AGBL2: variants seen among roughly 807,000 people sequenced by gnomAD.
The protein encoded by AGBL2 is cytosolic carboxypeptidase 2.
A neutral mutation model predicts 103.0 loss-of-function variants in AGBL2; 87 were observed. The observed-to-expected ratio is 0.84, with a 90% CI of 0.71 to 1.01. AGBL2 has a LOEUF of 1.01. Ranked by LOEUF, AGBL2 falls within the 50% of genes least tolerant of loss-of-function variation. The pLI, the probability that AGBL2 is intolerant of heterozygous loss-of-function variation, is 0.00. For synonymous variants in AGBL2, 335 were observed against 356.7 expected, an observed-to-expected ratio of 0.94 and a Z score of 0.69; for missense variants, 904 against 1,023.5, an observed-to-expected ratio of 0.88 and a Z score of 1.59.
chr11:47,668,753 G>T, intron 15 of AGBL2, 88 bp downstream of exon 15: 1 of 996,136 alleles, frequency 1.0e-6, no homozygotes, highest in Non-Finnish European at 1.6e-6. Flanking sequence ...CAGGTCTTAG[G>T]ACTGTTGGAA....
chr11:47,684,986 C>T (rs2097418274), intron 11 of AGBL2, among the ~76,000 whole-genome samples: 1 of 152,148 alleles, frequency 6.6e-6, no homozygotes, highest in African/African-American at 2.4e-5. Flanking sequence ...GCAGGCGGAT[C>T]ACTTGAGGTC....
At chr11:47,662,888 T>C in intron 18 of AGBL2, 138 bp downstream of exon 18, 1 of 730,908 alleles carries the variant, frequency 1.4e-6, no homozygotes, top group Admixed American at 2.7e-5. Context: ...ATGCCTTAGA[T>C]GTTCACCTGC....
chr11:47,690,402 G>A lies in AGBL2; in HGVS notation c.1305C>T (p.Tyr435=). ...LCRSLAGNTV[Y]LLTITNPSQT... ...GGGATGGGTTGGTGATGGTGAGCAA[G>A]TAAACGGTATTTCCTGCTAGGCTCC... is the stretch of plus-strand genomic sequence containing the variant. Residue 435 remains tyrosine, a synonymous_variant, in exon 10 of 19, where the codon TAC becomes TAT. Coordinates refer to ENST00000525123, the MANE Select transcript of AGBL2 (RefSeq NM_024783.4). 2 of 1,614,170 alleles carry A rather than the reference G, an allele frequency of 1.2e-6. No homozygotes were observed. The highest frequency in any genetic ancestry group is 1.7e-6 in the Non-Finnish European group (2 of 1,180,036).
chr11:47,671,566 T>A (rs1033944055), intron 14 of AGBL2, among the ~76,000 whole-genome samples: 5 of 151,800 alleles, frequency 3.3e-5, no homozygotes, highest in African/African-American at 1.2e-4. Context: ...AAAACACTTA[T>A]TGGCACAGAG....
intron 9 of AGBL2, among the ~76,000 whole-genome samples, chr11:47,691,730 ATATAT>A (rs1273187891): frequency 2.3e-4 from 2 of 8,532 alleles, no homozygotes; most frequent in Admixed American, 3.5e-3. Flanking sequence ...AAAAAAAAAA[ATATAT>A]ATATATATAT....
intron 9 of AGBL2, among the ~76,000 whole-genome samples, chr11:47,691,729 A>AAAAAAAAAAATATATATAT: frequency 6.2e-4 from 3 of 4,856 alleles, no homozygotes; most frequent in African/African-American, 2.2e-3. Flanking sequence ...AAAAAAAAAA[A>AAAAAAAAAAATATATATAT]ATATATATAT....
At chr11:47,666,634 T>C (rs2097342099) in intron 17 of AGBL2, 1 of 544,268 alleles carries the variant, frequency 1.8e-6, no homozygotes, top group African/African-American at 2.0e-5. Context: ...CCCAATAAAA[T>C]TCATTGATTT....
chr11:47,710,303 A>C, intron 4 of AGBL2, 74 bp downstream of exon 4: 1 of 1,587,350 alleles, frequency 6.3e-7, no homozygotes, highest in Non-Finnish European at 8.6e-7. Flanking sequence ...ATGTTAGAGC[A>C]GATTCTTCTG....
chr11:47,680,421 A>C (rs1216070450), intron 12 of AGBL2, among the ~76,000 whole-genome samples: 1 of 151,732 alleles, frequency 6.6e-6, no homozygotes, highest in East Asian at 1.9e-4. Context: ...AGATCGTGCC[A>C]CTGCACTCCA....
At chr11:47,677,172 T>C (rs908943072) in intron 14 of AGBL2, 99 bp downstream of exon 14, 1 of 1,049,084 alleles carries the variant, frequency 9.5e-7, no homozygotes, top group African/African-American at 1.7e-5. Context: ...CAAGCCCAGC[T>C]AATTTTTGTA....
In AGBL2 at chr11:47,680,795, C is replaced by G. The variant is rs551265937; in HGVS notation, c.1916-722G>C. On this transcript the variant is annotated intron_variant, in intron 12 of 18. Coordinates refer to ENST00000525123, the MANE Select transcript of AGBL2 (RefSeq NM_024783.4). The stretch of plus-strand genomic sequence containing the variant: ...AACAGAGGGAGACCCTGAAACAAAA[C>G]AAAACAAAACAAAACAAAACAAAAC... 2.2e-4 allele frequency among the ~76,000 whole-genome samples: 33 copies of G among 151,720 alleles called. No individual in the cohort carries two copies. The South Asian group carries it at 6.9e-3, about 32-fold the overall frequency.
intron 7 of AGBL2, among the ~76,000 whole-genome samples, chr11:47,703,272 G>A: frequency 6.6e-6 from 1 of 151,924 alleles, no homozygotes; most frequent in East Asian, 1.9e-4. Context: ...TTTTAGATAA[G>A]ATGCTATGCC....
At chr11:47,675,112 T>G (rs1461055233) in intron 14 of AGBL2, among the ~76,000 whole-genome samples, 1 of 151,312 alleles carries the variant, frequency 6.6e-6, no homozygotes, top group Non-Finnish European at 1.5e-5. Context: ...TGCTGGCTCC[T>G]CCCCTATTAA....
rs2097441428 is a variant in AGBL2 at position 47,690,626 on chromosome 11, T to C, written c.1081A>G (p.Lys361Glu). The part of the protein sequence containing the change: ...IGWRREGNEI[K>E]YYKNNTDDGQ... Reference sequence around the variant, plus strand: ...TCATCCGTGTTGTTCTTGTAGTACTTGATTTCATTTCCTTCTCTCCTCCAG... The same window carrying C: ...TCATCCGTGTTGTTCTTGTAGTACTCGATTTCATTTCCTTCTCTCCTCCAG... Residue 361 changes from lysine (K) to glutamate (E), a missense_variant, in exon 10 of 19, where the codon AAG becomes GAG. Transcript: ENST00000525123. 6 of 1,614,170 alleles carry C rather than the reference T, an allele frequency of 3.7e-6. No homozygotes were observed. The highest frequency in any genetic ancestry group is 5.1e-6 in the Non-Finnish European group (6 of 1,180,036).
intron 18 of AGBL2, among the ~76,000 whole-genome samples, chr11:47,661,246 T>A (rs2153802374): frequency 6.6e-6 from 1 of 152,272 alleles, no homozygotes; most frequent in Admixed American, 6.5e-5. Flanking sequence ...TTTAACTGAA[T>A]TCATGGTTAT....
intron 17 of AGBL2, among the ~76,000 whole-genome samples, chr11:47,666,333 G>T (rs7113438): frequency 0.036 from 5,446 of 150,842 alleles, 103 homozygotes; most frequent in Middle Eastern, 0.062. Flanking sequence ...GGTGGAAGTT[G>T]CAGTGAGCTG....
chr11:47,696,037 G>GAAAAAAAAAAAAAGA (rs71045503), intron 8 of AGBL2, among the ~76,000 whole-genome samples: 4 of 88,904 alleles, frequency 4.5e-5, no homozygotes, highest in Admixed American at 1.6e-4. Context: ...AAAAAAAAAA[G>GAAAAAAAAAAAAAGA]AAAAAAAAAA....
At chr11:47,661,725 A>G (rs974342358) in intron 18 of AGBL2, among the ~76,000 whole-genome samples, 3 of 151,794 alleles carry the variant, frequency 2.0e-5, no homozygotes, top group Non-Finnish European at 2.9e-5. Flanking sequence ...TCCCTGGGCT[A>G]TTAGAAACAA....
chr11:47,699,165 C>T (rs780036225), intron 8 of AGBL2, among the ~76,000 whole-genome samples: 1 of 151,890 alleles, frequency 6.6e-6, no homozygotes, highest in Non-Finnish European at 1.5e-5. Context: ...AGAAATCTCC[C>T]CAAAGATGAT....
Sources: allele counts gnomAD v4.1 joint callset (sites outside exome capture counted in the v4.1 genomes callset), GRCh38; gene constraint gnomAD v4.1.1; transcripts MANE v1.5; gene names NCBI Gene and HGNC (gene_info 2026-07-23, HGNC 2026-07-21).